ANKK1: variants seen among roughly 807,000 people sequenced by gnomAD.
The protein encoded by ANKK1 is ankyrin repeat and kinase domain containing 1.
In ANKK1, 37 loss-of-function variants were observed where a neutral mutation model predicts 37.6. The observed-to-expected ratio is 0.98, with a 90% CI of 0.76 to 1.29. ANKK1 has a LOEUF of 1.29. Ranked by LOEUF, ANKK1 falls within the 50% of genes most tolerant of loss-of-function variation. ANKK1 has a pLI of 0.00. For missense variants in ANKK1, 1,019 were observed against 990.6 expected (o/e 1.03, Z -0.39); for synonymous variants, 415 against 418.7 (o/e 0.99, Z 0.11).
At chr11:113,398,401 T>C (rs1379732780) in intron 7 of ANKK1, among the ~76,000 whole-genome samples, 2 of 151,544 alleles carry the variant, frequency 1.3e-5, no homozygotes, top group Non-Finnish European at 2.9e-5. Flanking sequence ...TGGGTAGTGA[T>C]CATTTTTGTC....
At chr11:113,396,600 A>G (rs1013671302) in intron 5 of ANKK1, among the ~76,000 whole-genome samples, 8 of 151,960 alleles carry the variant, frequency 5.3e-5, no homozygotes, top group African/African-American at 1.9e-4. Context: ...TCATCCTCCC[A>G]AAGTGCTGGG....
Position 113,395,067 on chromosome 11 carries a change from TATG to T in ANKK1, c.623_625del (p.Asp208del). 1 of 1,610,278 alleles carries T rather than the reference TATG, an allele frequency of 6.2e-7. No individual in the cohort carries two copies. The highest frequency in any genetic ancestry group is 1.1e-5 in the South Asian group (1 of 90,170). On this transcript the variant is annotated inframe_deletion, in exon 3 of 8. Coordinates refer to ENST00000303941, the MANE Select transcript of ANKK1 (RefSeq NM_178510.2). ...GAGTAACAAGGCCCCAGGACCTAAA[TATG>T]ATGTGTACAGGTGAGAAGGAGGCCT...
intron 2 of ANKK1, chr11:113,394,663 G>T (rs920442876): frequency 1.7e-6 from 1 of 602,364 alleles, no homozygotes; most frequent in Non-Finnish European, 3.1e-6. Context: ...CTTTTTGCAT[G>T]GCACCTCATT....
chr11:113,389,091 C>A (rs1156392576), intron 1 of ANKK1, among the ~76,000 whole-genome samples: 1 of 152,196 alleles, frequency 6.6e-6, no homozygotes, highest in Non-Finnish European at 1.5e-5. Context: ...CTAAGGCCCA[C>A]TCACCTTCCT....
Position 113,388,045 on chromosome 11 carries a change from C to A in ANKK1, c.161C>A (p.Pro54His). ...WRTEYAIKCA[P>H]CLPPDAASSD... ...ACGGAGTACGCCATCAAGTGCGCCC[C>A]CTGCCTTCCACCCGACGCCGCCAGG... The change falls in exon 1 of 8, where the codon CCC becomes CAC. Residue 54 changes from proline to histidine, a missense_variant. Coordinates refer to ENST00000303941, the MANE Select transcript of ANKK1 (RefSeq NM_178510.2). 1 of 1,528,376 alleles carries A rather than the reference C, an allele frequency of 6.5e-7. No individual in the cohort carries two copies. Among genetic ancestry groups the A allele is most frequent in the East Asian group, 2.5e-5 (1 of 40,598 alleles). The allele number at this position is 1,528,376 out of a possible 1,614,324, so 94.7% of individuals were successfully genotyped here. A position where few individuals can be genotyped will look rare whatever the true frequency, so the allele number is the denominator to read the frequency against.
In ANKK1 at chr11:113,387,782, C is replaced by G. The variant is rs938339308; in HGVS notation, c.-103C>G. The stretch of plus-strand genomic sequence containing the variant: ...GGCAGGGCCGGCTCGTCTCCCCATT[C>G]CCCTCTCCCGGACCCGAGGAGCAGG... On this transcript the variant is annotated 5_prime_UTR_variant, in exon 1 of 8. Transcript: ENST00000303941. 1.5e-6 allele frequency: 2 copies of G among 1,328,804 alleles called. No individual in the cohort carries two copies. 82.3% of individuals were successfully genotyped at this position (1,328,804 alleles called of 1,614,324 possible).
intron 7 of ANKK1, 70 bp downstream of exon 7, chr11:113,398,086 T>G (rs1361180646): frequency 6.5e-7 from 1 of 1,527,112 alleles, no homozygotes; most frequent in Non-Finnish European, 8.9e-7. Flanking sequence ...CCACACCCTT[T>G]CCCCATCCCC....
intron 7 of ANKK1, 150 bp downstream of exon 7, chr11:113,398,166 G>A (rs1950654761): frequency 2.2e-6 from 2 of 922,546 alleles, no homozygotes; most frequent in Non-Finnish European, 1.7e-6. Flanking sequence ...GCACCCAGCT[G>A]CATGTTCAGA....
In ANKK1 at chr11:113,393,652, C is replaced by T. The variant is rs1422334358; in HGVS notation, c.357C>T (p.Leu119=). 2 of 1,613,930 alleles carry T rather than the reference C, an allele frequency of 1.2e-6. No homozygotes were observed. The highest frequency in any genetic ancestry group is 1.7e-6 in the Non-Finnish European group (2 of 1,179,844). ...VLSTHSLCWK[L]RFRIIHETSL... is the part of the protein sequence containing the mutation. ...CCACCCACAGCCTCTGCTGGAAGCT[C>T]AGGTTCCGCATCATCCATGAGACCA... Residue 119 remains leucine (L), a synonymous_variant, in exon 2 of 8, where the codon CTC becomes CTT. Transcript: ENST00000303941.
In ANKK1 at chr11:113,399,941, T is replaced by C. The variant is rs775266427; in HGVS notation, c.1972T>C (p.Ser658Pro). The C allele has an allele frequency of 1.2e-6, 2 of 1,613,378 alleles. No individual in the cohort carries two copies. The highest frequency in any genetic ancestry group is 1.7e-6 in the Non-Finnish European group (2 of 1,179,866). The change falls in exon 8 of 8, where the codon TCA becomes CCA. Residue 658 changes from serine (S) to proline (P), a missense_variant. Coordinates refer to ENST00000303941, the MANE Select transcript of ANKK1 (RefSeq NM_178510.2). ...GGCTGACCCCAATGCTGCAGAGCAG[T>C]CAGGCTGGACACCCCTCCACCTGGC... ...CGADPNAAEQ[S>P]GWTPLHLAVQ...
intron 7 of ANKK1, 128 bp downstream of exon 7, chr11:113,398,144 T>C: frequency 8.8e-7 from 1 of 1,138,688 alleles, no homozygotes; most frequent in African/African-American, 1.5e-5. Context: ...AGGGTTTAGG[T>C]GCCCTTTTCC....
intron 1 of ANKK1, among the ~76,000 whole-genome samples, chr11:113,391,718 A>G (rs1950588944): frequency 6.6e-6 from 1 of 152,176 alleles, no homozygotes; most frequent in Non-Finnish European, 1.5e-5. Context: ...TTAGCTTCAG[A>G]CACATTTGGT....
At position 113,394,527 on chromosome 11, in the gene ANKK1, T is replaced by A. The variant is rs186810304; in HGVS notation, c.481-402T>A. ...GATGGGAGCAAAGGGAAGATAAATG[T>A]CCATGGTGTGTTTCAGGGCCCCCGG... is the stretch of plus-strand genomic sequence containing the variant. On this transcript the variant is annotated intron_variant, in intron 2 of 7. Coordinates refer to ENST00000303941, the MANE Select transcript of ANKK1 (RefSeq NM_178510.2). 1.1e-4 allele frequency among the ~76,000 whole-genome samples: 17 copies of A among 152,246 alleles called. No homozygotes were observed. In the East Asian group the frequency reaches 3.3e-3, roughly 29 times the overall value.
chr11:113,400,039 G>C lies in ANKK1; in HGVS notation c.2070G>C (p.Lys690Asn). 1 of 1,613,360 alleles carries C rather than the reference G, an allele frequency of 6.2e-7. No homozygotes were observed. Among genetic ancestry groups the C allele is most frequent in the East Asian group, 2.2e-5 (1 of 44,866 alleles). The change falls in exon 8 of 8, where the codon AAG becomes AAC. Residue 690 changes from lysine (K) to asparagine (N), a missense_variant. Coordinates refer to ENST00000303941, the MANE Select transcript of ANKK1 (RefSeq NM_178510.2). ...EHHANVHARN[K>N]VGWTPAHLAA... ...ACGCAAATGTCCACGCCCGCAACAA[G>C]GTGGGCTGGACACCCGCCCACCTGG...
In ANKK1 at chr11:113,395,058, G is replaced by A; in HGVS notation, c.610G>A (p.Gly204Arg). 6.2e-7 allele frequency: 1 copy of A among 1,612,026 alleles called. No individual in the cohort carries two copies. Among genetic ancestry groups the A allele is most frequent in the Non-Finnish European group, 8.5e-7 (1 of 1,179,026 alleles). Residue 204 changes from glycine to arginine, a missense_variant, in exon 3 of 8, where the codon GGA becomes AGA. Coordinates refer to ENST00000303941, the MANE Select transcript of ANKK1 (RefSeq NM_178510.2). ...EMFLESNKAP[G>R]PKYDVYSFAI... ...GTTCCTGGAGAGTAACAAGGCCCCA[G>A]GACCTAAATATGATGTGTACAGGTG... is the stretch of plus-strand genomic sequence containing the variant.
intron 2 of ANKK1, 82 bp from the exon 3 acceptor site, chr11:113,394,847 A>T (rs2138129735): frequency 6.4e-7 from 1 of 1,551,210 alleles, no homozygotes; most frequent in Middle Eastern, 1.7e-4. Flanking sequence ...ACAGGCAGAT[A>T]GCAGGAGGGG....
chr11:113,392,101 G>T (rs1950591559), intron 1 of ANKK1, among the ~76,000 whole-genome samples: 3 of 152,314 alleles, frequency 2.0e-5, no homozygotes, highest in Non-Finnish European at 1.5e-5. Flanking sequence ...AGCAGTAAAT[G>T]CTCTCAAGAC....
chr11:113,395,370 T>C lies in ANKK1; in HGVS notation c.644T>C (p.Val215Ala). 6.2e-7 allele frequency: 1 copy of C among 1,613,866 alleles called. No individual in the cohort carries two copies. The highest frequency in any genetic ancestry group is 8.5e-7 in the Non-Finnish European group (1 of 1,179,848). Residue 215 changes from valine to alanine, a missense_variant, in exon 4 of 8, where the codon GTC (valine) becomes GCC (alanine). Coordinates refer to ENST00000303941, the MANE Select transcript of ANKK1 (RefSeq NM_178510.2). ...CTCTGCATCCACAGCTTTGCAATTG[T>C]CATCTGGGAGCTACTCACTCAGAAG... ...PKYDVYSFAIVIWELLTQKKP... is the reference protein window; with the variant it reads ...PKYDVYSFAIAIWELLTQKKP...
chr11:113,394,868 T>C (rs1027430198), intron 2 of ANKK1, 61 bp from the exon 3 acceptor site: 1 of 1,594,306 alleles, frequency 6.3e-7, no homozygotes, highest in Non-Finnish European at 8.6e-7. Context: ...TGAGAAGCCA[T>C]AGCCGTTTTC....
Sources: gnomAD v4.1 joint callset for allele counts (sites outside exome capture counted in the v4.1 genomes callset) on GRCh38, gnomAD v4.1.1 for gene constraint, MANE v1.5 for transcripts, NCBI Gene and HGNC (gene_info 2026-07-23, HGNC 2026-07-21) for gene names.